The following PUS10 variants were observed in gnomAD, a reference collection of about 807,000 sequenced individuals.
The protein encoded by PUS10 is pseudouridine synthase 10.
A neutral mutation model predicts 75.0 loss-of-function variants in PUS10; 59 were observed. The ratio of observed to expected loss-of-function variants is 0.79; its 90% CI spans 0.64 to 0.98. The LOEUF (loss-of-function observed/expected upper bound fraction) is 0.98, where lower values mean the gene tolerates loss of function less well. Among genes scored for constraint, PUS10 ranks in the 50% least tolerant of loss-of-function variants. The pLI, the probability that PUS10 is intolerant of heterozygous loss-of-function variation, is 0.00. For missense variants in PUS10, 650 were observed against 614.4 expected (o/e 1.06, Z -0.61); for synonymous variants, 219 against 211.6 (o/e 1.03, Z -0.30).
chr2:60,980,056 G>C (rs1283457002), intron 4 of PUS10, among the ~76,000 whole-genome samples: 1 of 152,158 alleles, frequency 6.6e-6, no homozygotes, highest in African/African-American at 2.4e-5. Context: ...GGTGGGGTAG[G>C]AGTAGAAGCA....
chr2:60,955,248 T>C, intron 11 of PUS10, among the ~76,000 whole-genome samples, 174 bp from the exon 12 acceptor site: 1 of 152,158 alleles, frequency 6.6e-6, no homozygotes, highest in East Asian at 1.9e-4. Flanking sequence ...GTAATGCTAA[T>C]AGTAAACACC....
chr2:60,957,457 C>A (rs558903155), intron 11 of PUS10, among the ~76,000 whole-genome samples: 1 of 152,308 alleles, frequency 6.6e-6, no homozygotes, highest in African/African-American at 2.4e-5. Flanking sequence ...GTGCCCAGAG[C>A]AACACTGGGT....
rs1428652067 is a variant in PUS10 at position 60,947,965 on chromosome 2, C to G, written c.1451+78G>C. ...CCGAATCCCTCCCAGACCAAGCTGACCCTGTTTTCTAGGGGACCATGAACT... is the reference window on the plus strand; with the variant it reads ...CCGAATCCCTCCCAGACCAAGCTGAGCCTGTTTTCTAGGGGACCATGAACT... On this transcript the variant is annotated intron_variant, in intron 16 of 17. Coordinates refer to ENST00000316752, the MANE Select transcript of PUS10 (RefSeq NM_144709.4). 9 of 1,501,398 alleles carry G rather than the reference C, an allele frequency of 6.0e-6. No individual in the cohort carries two copies. In the South Asian group the frequency reaches 9.2e-5, roughly 15 times the overall value. The allele number at this position is 1,501,398 out of a possible 1,614,324, so 93.0% of individuals were successfully genotyped here.
At chr2:60,974,132 G>C (rs1332530366) in intron 4 of PUS10, among the ~76,000 whole-genome samples, 1 of 151,968 alleles carries the variant, frequency 6.6e-6, no homozygotes, top group Non-Finnish European at 1.5e-5. Flanking sequence ...AACACTTATC[G>C]GGACACCCTG....
chr2:60,965,384 CA>C (rs1375311368), intron 7 of PUS10, 38 bp downstream of exon 7: 2 of 1,508,874 alleles, frequency 1.3e-6, no homozygotes, highest in Admixed American at 1.8e-5. Flanking sequence ...ACAGCATTAA[CA>C]ATTTTACACC....
intron 3 of PUS10, 83 bp from the exon 4 acceptor site, chr2:61,006,726 G>A: frequency 2.8e-6 from 3 of 1,076,226 alleles, no homozygotes; most frequent in Non-Finnish European, 4.1e-6. Flanking sequence ...TGAATTTCTG[G>A]TCCAGGAGAT....
chr2:60,972,715 T>G (rs992510702), intron 4 of PUS10, among the ~76,000 whole-genome samples: 1 of 152,174 alleles, frequency 6.6e-6, no homozygotes, highest in Non-Finnish European at 1.5e-5. Flanking sequence ...TCACATCCAC[T>G]TCAAGACACG....
chr2:60,954,483 A>G (rs557161215), intron 12 of PUS10, among the ~76,000 whole-genome samples: 3 of 152,342 alleles, frequency 2.0e-5, no homozygotes, highest in Non-Finnish European at 4.4e-5. Flanking sequence ...ACATGCAGCA[A>G]TGCCCTGTTG....
intron 4 of PUS10, among the ~76,000 whole-genome samples, chr2:60,986,042 T>C (rs1677706755): frequency 6.6e-6 from 1 of 152,082 alleles, no homozygotes; most frequent in South Asian, 2.1e-4. Context: ...GTGATGTTTT[T>C]GAATGGGTTG....
chr2:60,973,623 C>G (rs1003320969), intron 4 of PUS10, among the ~76,000 whole-genome samples: 2 of 152,248 alleles, frequency 1.3e-5, no homozygotes, highest in Non-Finnish European at 2.9e-5. Flanking sequence ...CCTGCAGGCG[C>G]CCCTTGGCAA....
chr2:60,955,488 C>T (rs1456407840), intron 11 of PUS10, among the ~76,000 whole-genome samples: 1 of 152,014 alleles, frequency 6.6e-6, no homozygotes, highest in African/African-American at 2.4e-5. Flanking sequence ...CACCAGCACA[C>T]CTGGCTAATT....
rs1249025009 is a variant in PUS10 at position 61,017,821 on chromosome 2, G to A, written c.-16+187C>T. On this transcript the variant is annotated intron_variant, in intron 1 of 17. Transcript: ENST00000316752. ...GAGACCCGCCGAATTCCGGGAGCCG[G>A]ACCGGGACCAGGACCGGGCCCCACT... 3.2e-6 allele frequency: 5 copies of A among 1,550,568 alleles called. No individual in the cohort carries two copies. In the Admixed American group the frequency reaches 7.8e-5, roughly 24 times the overall value.
Position 60,971,506 on chromosome 2 carries a change from C to T in PUS10, c.503+17G>A, listed in dbSNP as rs1416192605. 6.2e-7 allele frequency: 1 copy of T among 1,611,500 alleles called. No homozygotes were observed. The highest frequency in any genetic ancestry group is 8.5e-7 in the Non-Finnish European group (1 of 1,177,742). On this transcript the variant is annotated intron_variant, in intron 5 of 17. Coordinates refer to ENST00000316752, the MANE Select transcript of PUS10 (RefSeq NM_144709.4). ...GTATTTGAATGGTAGTAAAAATTCCCTACCTAAATTACTTACCCCATTTCC... is the reference window on the plus strand; with the variant it reads ...GTATTTGAATGGTAGTAAAAATTCCTTACCTAAATTACTTACCCCATTTCC...
intron 15 of PUS10, among the ~76,000 whole-genome samples, chr2:60,952,103 G>A (rs973723378): frequency 5.3e-4 from 81 of 152,068 alleles, no homozygotes; most frequent in Non-Finnish European, 1.9e-4. Context: ...TGGGAGGCTG[G>A]GGCAGGCGGA....
At chr2:60,955,115 T>C (rs768232905) in intron 11 of PUS10, 41 bp from the exon 12 acceptor site, 2 of 1,295,310 alleles carry the variant, frequency 1.5e-6, no homozygotes, top group South Asian at 1.3e-5. Context: ...AGAGACATCA[T>C]AGCTCTAAGA....
At position 61,018,254 on chromosome 2, in the gene PUS10, C is replaced by G. The variant is rs566451812; in HGVS notation, c.-262G>C. The G allele has an allele frequency of 3.2e-6, 5 of 1,550,944 alleles. No homozygotes were observed. In the Admixed American group the frequency reaches 5.9e-5, roughly 18 times the overall value. On this transcript the variant is annotated 5_prime_UTR_variant, in exon 1 of 18. Coordinates refer to ENST00000316752, the MANE Select transcript of PUS10 (RefSeq NM_144709.4). The stretch of plus-strand genomic sequence containing the variant: ...ACGGCATCGACAGGGAGCAAAGTCT[C>G]TCCTTAAAGGTGTTAACCTCTCGAG...
chr2:61,010,883 C>T (rs976718716), intron 2 of PUS10: 24 of 1,549,738 alleles, frequency 1.5e-5, no homozygotes, highest in Non-Finnish European at 2.1e-5. Flanking sequence ...ATCTCAGTTT[C>T]TTCATCTGAA....
At chr2:60,992,524 T>C (rs948085356) in intron 4 of PUS10, among the ~76,000 whole-genome samples, 7 of 152,152 alleles carry the variant, frequency 4.6e-5, no homozygotes, top group African/African-American at 1.4e-4. Flanking sequence ...CTAGTGATAA[T>C]ACTAAAGGAA....
chr2:60,954,005 AG>A lies in PUS10; in HGVS notation c.1135-18del, dbSNP rs1193684285. The A allele has an allele frequency of 6.2e-7, 1 of 1,612,428 alleles. No homozygotes were observed. The highest frequency in any genetic ancestry group is 1.1e-5 in the South Asian group (1 of 91,050). On this transcript the variant is annotated intron_variant, in intron 13 of 17. Transcript: ENST00000316752. ...ATTAATTTTCTGTAGTAGCAGAAAA[AG>A]AAAAACAATTAGCAAGTCTAGCTCA... is the stretch of plus-strand genomic sequence containing the variant.
Sources: allele counts gnomAD v4.1 joint callset (sites outside exome capture counted in the v4.1 genomes callset), GRCh38; gene constraint gnomAD v4.1.1; transcripts MANE v1.5; gene names NCBI Gene and HGNC (gene_info 2026-07-23, HGNC 2026-07-21).